Variants in ATP11C observed in about 807,000 individuals in gnomAD.
ATP11C encodes phospholipid-transporting ATPase IG.
A neutral mutation model predicts 97.4 loss-of-function variants in ATP11C; 36 were observed. The ratio of observed to expected loss-of-function variants is 0.37; its 90% CI spans 0.28 to 0.49. The LOEUF is 0.49. Ranked by LOEUF, ATP11C falls within the 20% of genes least tolerant of loss-of-function variation. The pLI is 0.98. For missense variants in ATP11C, 730 were observed against 824.6 expected, an observed-to-expected ratio of 0.89 and a Z score of 1.40; for synonymous variants, 275 against 290.9, an observed-to-expected ratio of 0.95 and a Z score of 0.56.
At chrX:139,873,086 T>C (rs1372185932) in intron 1 of ATP11C, among the ~76,000 whole-genome samples, 1 of 112,388 alleles carries the variant, frequency 8.9e-6, no homozygotes, top group Non-Finnish European at 1.9e-5. Flanking sequence ...CTATTTAAAA[T>C]GTCTATGGCT....
chrX:139,818,583 G>A (rs1236692009), intron 3 of ATP11C, among the ~76,000 whole-genome samples: 1 of 111,866 alleles, frequency 8.9e-6, no homozygotes, highest in African/African-American at 3.2e-5. Flanking sequence ...TTATATCCCA[G>A]ACTGATTTTA....
At chrX:139,805,501 C>A in intron 5 of ATP11C, among the ~76,000 whole-genome samples, 1 of 112,240 alleles carries the variant, frequency 8.9e-6, no homozygotes, top group East Asian at 2.8e-4. Flanking sequence ...TTACTAACAT[C>A]CTGCAACTAC....
intron 28 of ATP11C, chrX:139,732,416 C>A (rs1335918022): frequency 5.7e-6 from 2 of 348,511 alleles, no homozygotes; most frequent in Admixed American, 5.4e-5. Context: ...CAAGTTGGTA[C>A]ATTAAGAAAG....
intron 1 of ATP11C, among the ~76,000 whole-genome samples, chrX:139,894,209 C>A (rs2084772425): frequency 8.9e-6 from 1 of 112,194 alleles, no homozygotes; most frequent in Non-Finnish European, 1.9e-5. Flanking sequence ...ATGGTGACTT[C>A]TTTTCCTAGT....
chrX:139,919,476 C>G (rs1230232816), intron 1 of ATP11C, among the ~76,000 whole-genome samples: 1 of 108,970 alleles, frequency 9.2e-6, no homozygotes, highest in Non-Finnish European at 1.9e-5. Context: ...CACACACACA[C>G]ACACACACAC....
chrX:139,894,610 T>A (rs1189485196), intron 1 of ATP11C, among the ~76,000 whole-genome samples: 1 of 110,920 alleles, frequency 9.0e-6, no homozygotes, highest in Non-Finnish European at 1.9e-5. Context: ...ACTGTATATT[T>A]CAAAATACCT....
At chrX:139,834,754 C>G (rs768790521) in intron 1 of ATP11C, among the ~76,000 whole-genome samples, 1 of 111,930 alleles carries the variant, frequency 8.9e-6, no homozygotes, top group Non-Finnish European at 1.9e-5. Flanking sequence ...ACACCACACT[C>G]AATGTTCCCC....
At position 139,787,191 on chromosome X, in the gene ATP11C, T is replaced by C. The variant is rs146526072; in HGVS notation, c.1574A>G (p.Gln525Arg). The C allele has an allele frequency of 1.2e-4, 147 of 1,197,176 alleles. No homozygotes were observed. The highest frequency in any genetic ancestry group is 1.6e-4 in the Non-Finnish European group (138 of 883,759). Reference protein sequence around the residue: ...NRNGYMRVENQRKEIEEYELL... With the variant: ...NRNGYMRVENRRKEIEEYELL... ...TACTTACTCTTCTATTTCTTTTCTT[T>C]GGTTCTCTACTCTCATATATCCATT... Residue 525 changes from glutamine (Q) to arginine (R), a missense_variant, in exon 15 of 30, where the codon CAA becomes CGA. Physicochemically the swap from Gln to Arg is conservative, Grantham distance 43. Coordinates refer to ENST00000682941, the MANE Select transcript of ATP11C (RefSeq NM_001353812.2).
chrX:139,886,535 T>G (rs1327498240), intron 1 of ATP11C, among the ~76,000 whole-genome samples: 7 of 100,166 alleles, frequency 7.0e-5, no homozygotes, highest in African/African-American at 2.2e-4. Context: ...AAGTGGAGGT[T>G]GCAGTGAGCT....
chrX:139,851,707 GC>G (rs1416656790), intron 1 of ATP11C, among the ~76,000 whole-genome samples: 2 of 111,814 alleles, frequency 1.8e-5, no homozygotes, highest in Non-Finnish European at 3.8e-5. Flanking sequence ...GGCCTTGGGG[GC>G]CAAATCTCTA....
intron 26 of ATP11C, among the ~76,000 whole-genome samples, chrX:139,742,233 A>T (rs2081571412): frequency 9.0e-6 from 1 of 111,450 alleles, no homozygotes. Flanking sequence ...TATTGAAATG[A>T]GCACCCTCCT....
intron 18 of ATP11C, among the ~76,000 whole-genome samples, chrX:139,778,408 A>G (rs2082390089): frequency 8.9e-6 from 1 of 111,895 alleles, no homozygotes; most frequent in African/African-American, 3.3e-5. Flanking sequence ...TATACTTGAG[A>G]CTACCAAAAC....
rs57313871 is a variant in ATP11C at position 139,930,203 on chromosome X, C to A, written c.27+1813G>T. ...CTAGCCTCAAACCTGCAGGCTGGCA[C>A]CTCAACAACTGCTGCAAATTCTACT... On this transcript the variant is annotated intron_variant, in intron 1 of 29. Transcript: ENST00000682941. 7.0e-4 allele frequency among the ~76,000 whole-genome samples: 78 copies of A among 111,348 alleles called. No individual in the cohort carries two copies. In the East Asian group the frequency reaches 0.021, roughly 30 times the overall value.
At chrX:139,817,839 C>T (rs2083318542) in intron 3 of ATP11C, among the ~76,000 whole-genome samples, 1 of 108,351 alleles carries the variant, frequency 9.2e-6, no homozygotes, top group African/African-American at 3.6e-5. Flanking sequence ...ATCGGGTTAG[C>T]ATGTCTAGGT....
At chrX:139,797,700 G>A (rs1301121576) in intron 10 of ATP11C, among the ~76,000 whole-genome samples, 1 of 111,280 alleles carries the variant, frequency 9.0e-6, no homozygotes, top group Non-Finnish European at 1.9e-5. Context: ...TTGGGGTAGA[G>A]GGCACGGTAG....
At chrX:139,744,287 G>A (rs73579529) in intron 25 of ATP11C, among the ~76,000 whole-genome samples, 6,256 of 111,534 alleles carry the variant, frequency 0.056, 420 homozygotes, top group African/African-American at 0.19. Context: ...GCAAAAAAAA[G>A]GATTCACTCA....
At chrX:139,840,489 T>C (rs777872799) in intron 1 of ATP11C, among the ~76,000 whole-genome samples, 6 of 112,690 alleles carry the variant, frequency 5.3e-5, no homozygotes, top group African/African-American at 1.9e-4. Context: ...TCTATTTTTA[T>C]AAAAAGTCAG....
chrX:139,905,360 T>C (rs987908153), intron 1 of ATP11C, among the ~76,000 whole-genome samples: 2 of 112,252 alleles, frequency 1.8e-5, no homozygotes, highest in Non-Finnish European at 3.8e-5. Context: ...CTTTCACATT[T>C]GTGGAAGCAG....
chrX:139,920,016 A>G (rs1228793928), intron 1 of ATP11C, among the ~76,000 whole-genome samples: 2 of 112,130 alleles, frequency 1.8e-5, no homozygotes, highest in African/African-American at 6.5e-5. Flanking sequence ...CAGCTGATGA[A>G]CAGATAAATA....
Sources: allele counts gnomAD v4.1 joint callset (sites outside exome capture counted in the v4.1 genomes callset), GRCh38; gene constraint gnomAD v4.1.1; transcripts MANE v1.5; gene names NCBI Gene and HGNC (gene_info 2026-07-23, HGNC 2026-07-21).